The following TTC9 variants were observed in gnomAD, a reference collection of about 807,000 sequenced individuals.
TTC9 encodes the protein tetratricopeptide repeat protein 9A.
Under a neutral mutation model 22.9 loss-of-function variants are expected in TTC9, and 13 were observed. The ratio of observed to expected loss-of-function variants is 0.57; its 90% CI spans 0.37 to 0.90. TTC9 has a LOEUF of 0.90. TTC9 is among the 40% of genes least tolerant of loss of function. TTC9 has a pLI of 0.01. For synonymous variants in TTC9, 148 were observed against 133.2 expected (o/e 1.11, Z -0.77); for missense variants, 280 against 291.8 (o/e 0.96, Z 0.29).
chr14:70,651,173 G>A (rs537490597), intron 1 of TTC9, among the ~76,000 whole-genome samples: 1 of 152,294 alleles, frequency 6.6e-6, no homozygotes, highest in South Asian at 2.1e-4. Context: ...GTAGAGATGG[G>A]GTTTCGCTAT....
rs762892061 is a variant in TTC9, at chr14:70,659,132, G to GCGCACACACACA, written c.407-8431_407-8430insGCACACACACAC. On this transcript the variant is annotated intron_variant, in intron 1 of 2. Coordinates refer to ENST00000256367, the MANE Select transcript of TTC9 (RefSeq NM_015351.2). The stretch of plus-strand genomic sequence containing the variant: ...TGTATATAACTAAACACACACACAC[G>GCGCACACACACA]CACACACACACACACACACACACAC... Among the ~76,000 whole-genome samples the GCGCACACACACA allele has an allele frequency of 9.5e-3, 1,368 of 144,316 alleles. 28 individuals are homozygous for GCGCACACACACA. The highest frequency in any genetic ancestry group is 0.032 in the African/African-American group (1,250 of 38,628). 94.7% of individuals were successfully genotyped at this position (144,316 alleles called of 152,430 possible).
At chr14:70,647,803 A>C (rs1416815491) in intron 1 of TTC9, among the ~76,000 whole-genome samples, 1 of 152,242 alleles carries the variant, frequency 6.6e-6, no homozygotes, top group Non-Finnish European at 1.5e-5. Flanking sequence ...AGAAGGCAAT[A>C]GCAGAGTATT....
At chr14:70,648,775 G>A (rs1365082486) in intron 1 of TTC9, among the ~76,000 whole-genome samples, 3 of 152,204 alleles carry the variant, frequency 2.0e-5, no homozygotes, top group Non-Finnish European at 2.9e-5. Flanking sequence ...GTTTCACCCA[G>A]ATGATTAGTG....
At chr14:70,665,411 G>T (rs1327273342) in intron 1 of TTC9, among the ~76,000 whole-genome samples, 1 of 152,204 alleles carries the variant, frequency 6.6e-6, no homozygotes, top group Admixed American at 6.5e-5. Flanking sequence ...ATGCAGGTGA[G>T]GAAGGGGACA....
At chr14:70,668,687 C>A (rs1886249461) in intron 2 of TTC9, among the ~76,000 whole-genome samples, 1 of 151,622 alleles carries the variant, frequency 6.6e-6, no homozygotes, top group Non-Finnish European at 1.5e-5. Flanking sequence ...CCCATCTCTA[C>A]TAAAAATACA....
intron 1 of TTC9, among the ~76,000 whole-genome samples, chr14:70,643,422 G>C (rs532428784): frequency 6.6e-6 from 1 of 152,342 alleles, no homozygotes; most frequent in South Asian, 2.1e-4. Flanking sequence ...GCTCTTGCTA[G>C]GGCCTTCCTG....
chr14:70,656,214 C>T (rs961882484), intron 1 of TTC9, among the ~76,000 whole-genome samples: 808 of 70,878 alleles, frequency 0.011, 5 homozygotes, highest in Non-Finnish European at 0.017. Context: ...CCCTGATACA[C>T]ACACACACAC....
At chr14:70,643,216 C>T (rs574565510) in intron 1 of TTC9, among the ~76,000 whole-genome samples, 2 of 152,132 alleles carry the variant, frequency 1.3e-5, no homozygotes, top group Admixed American at 6.5e-5. Flanking sequence ...CCTCCCTGCC[C>T]GTTTCTCACT....
chr14:70,643,322 C>G (rs1885855953), intron 1 of TTC9, among the ~76,000 whole-genome samples: 1 of 152,140 alleles, frequency 6.6e-6, no homozygotes, highest in African/African-American at 2.4e-5. Flanking sequence ...CCAACATTCC[C>G]TTTGGGGATA....
Position 70,671,240 on chromosome 14 carries a change from T to C in TTC9, c.*85T>C. 8.8e-7 allele frequency: 1 copy of C among 1,132,808 alleles called. No homozygotes were observed. The highest frequency in any genetic ancestry group is 1.3e-6 in the Non-Finnish European group (1 of 773,880). 70.2% of individuals were successfully genotyped at this position (1,132,808 alleles called of 1,614,324 possible). A position where few individuals can be genotyped will look rare whatever the true frequency, so the allele number is the denominator to read the frequency against. On this transcript the variant is annotated 3_prime_UTR_variant, in exon 3 of 3. Coordinates refer to ENST00000256367, the MANE Select transcript of TTC9 (RefSeq NM_015351.2). ...GCAGAGAGCCCCGTCCTGGATTCTG[T>C]CCCTTTCTCCCCACTTCTTCTGGCT... is the stretch of plus-strand genomic sequence containing the variant.
intron 1 of TTC9, among the ~76,000 whole-genome samples, chr14:70,656,044 T>G (rs1214089533): frequency 1.3e-5 from 2 of 152,122 alleles, no homozygotes; most frequent in African/African-American, 4.8e-5. Context: ...CGTGTGTGCC[T>G]GCTACTGACC....
chr14:70,643,705 C>T (rs958694185), intron 1 of TTC9, among the ~76,000 whole-genome samples: 4 of 152,116 alleles, frequency 2.6e-5, no homozygotes, highest in East Asian at 1.9e-4. Flanking sequence ...CAATTCTGCT[C>T]GGTTCTTAAA....
At chr14:70,665,670 A>G (rs1886205945) in intron 1 of TTC9, among the ~76,000 whole-genome samples, 1 of 152,182 alleles carries the variant, frequency 6.6e-6, no homozygotes, top group Non-Finnish European at 1.5e-5. Flanking sequence ...TCATACCTTC[A>G]TCTTGACAGT....
intron 1 of TTC9, among the ~76,000 whole-genome samples, chr14:70,645,911 C>T (rs77549923): frequency 6.0e-4 from 92 of 152,292 alleles, no homozygotes; most frequent in Non-Finnish European, 1.2e-3. Flanking sequence ...CTAAGGGCAT[C>T]GCTGCTCCAA....
At chr14:70,658,649 A>C (rs948782588) in intron 1 of TTC9, among the ~76,000 whole-genome samples, 1 of 152,214 alleles carries the variant, frequency 6.6e-6, no homozygotes, top group Admixed American at 6.5e-5. Context: ...TGCAAAAAAA[A>C]ACTGAAGCCA....
At chr14:70,655,884 T>C (rs1417518498) in intron 1 of TTC9, among the ~76,000 whole-genome samples, 1 of 152,176 alleles carries the variant, frequency 6.6e-6, no homozygotes, top group African/African-American at 2.4e-5. Flanking sequence ...GAATTTCAAA[T>C]GGACCACTCA....
intron 1 of TTC9, among the ~76,000 whole-genome samples, chr14:70,656,519 A>G (rs1055331894): frequency 1.3e-5 from 2 of 152,178 alleles, no homozygotes; most frequent in East Asian, 1.9e-4. Context: ...CCTATCCCCA[A>G]ACACATCTGA....
In TTC9 at chr14:70,671,065, T is replaced by C. The variant is rs1191047493; in HGVS notation, c.590-11T>C. 1.9e-6 allele frequency: 3 copies of C among 1,612,862 alleles called. No individual in the cohort carries two copies. The highest frequency in any genetic ancestry group is 2.7e-5 in the African/African-American group (2 of 74,938). ...CCTGGTGTTCCCTAAGGTTTATTTC[T>C]CTCCTCACAGACACCAACGTGATTC... On this transcript the variant is annotated splice_polypyrimidine_tract_variant and intron_variant, in intron 2 of 2. Transcript: ENST00000256367.
At chr14:70,665,731 T>A (rs1886206651) in intron 1 of TTC9, among the ~76,000 whole-genome samples, 1 of 152,146 alleles carries the variant, frequency 6.6e-6, no homozygotes, top group South Asian at 2.1e-4. Context: ...TGGTCCTAAA[T>A]GCTCAAAAAA....
Sources: gnomAD v4.1 joint callset for allele counts (sites outside exome capture counted in the v4.1 genomes callset) on GRCh38, gnomAD v4.1.1 for gene constraint, MANE v1.5 for transcripts, NCBI Gene and HGNC (gene_info 2026-07-23, HGNC 2026-07-21) for gene names.